The following PTPN22 variants were observed in gnomAD, a reference collection of about 807,000 sequenced individuals.
PTPN22 encodes protein tyrosine phosphatase non-receptor type 22, also known as tyrosine-protein phosphatase non-receptor type 22.
PTPN22 carries 85 observed loss-of-function variants against 103.3 expected under a neutral mutation model. The observed-to-expected ratio is 0.82, with a 90% confidence interval of 0.69 to 0.99. PTPN22 has a LOEUF of 0.99. Among genes scored for constraint, PTPN22 ranks in the 50% least tolerant of loss-of-function variants. The pLI, the probability that PTPN22 is intolerant of heterozygous loss-of-function variation, is 0.00. For missense variants in PTPN22, 865 were observed against 936.9 expected, an observed-to-expected ratio of 0.92 and a Z score of 1.00; for synonymous variants, 323 against 310.2, an observed-to-expected ratio of 1.04 and a Z score of -0.43.
chr1:113,843,371 TGAC>T (rs1663776593), intron 11 of PTPN22, among the ~76,000 whole-genome samples: 1 of 152,184 alleles, frequency 6.6e-6, no homozygotes, highest in East Asian at 1.9e-4. Context: ...AAGAAAATTG[TGAC>T]ACGTTACAAC....
chr1:113,835,341 A>C (rs1303563426), intron 13 of PTPN22, among the ~76,000 whole-genome samples: 1 of 152,084 alleles, frequency 6.6e-6, no homozygotes, highest in Non-Finnish European at 1.5e-5. Context: ...ACGTGGTGAA[A>C]CCGTGTCTCT....
Position 113,829,582 on chromosome 1 carries a change from T to G in PTPN22, c.2250+10A>C. On this transcript the variant is annotated intron_variant, in intron 18 of 20. Coordinates refer to ENST00000359785, the Ensembl canonical transcript of PTPN22. ...TCCGGCATGTTTCCCAAAACTCTTATCTTCTTTACCTTACTCCTTGTGAAA... is the reference window on the plus strand; with the variant it reads ...TCCGGCATGTTTCCCAAAACTCTTAGCTTCTTTACCTTACTCCTTGTGAAA... The G allele has an allele frequency of 6.6e-7, 1 of 1,507,756 alleles. No individual in the cohort carries two copies. Among genetic ancestry groups the G allele is most frequent in the Non-Finnish European group, 9.0e-7 (1 of 1,107,998 alleles). The allele number at this position is 1,507,756 out of a possible 1,614,324, so 93.4% of individuals were successfully genotyped here.
intron 11 of PTPN22, among the ~76,000 whole-genome samples, chr1:113,844,052 T>G (rs908000129): frequency 2.0e-5 from 3 of 151,790 alleles, no homozygotes; most frequent in African/African-American, 7.3e-5. Context: ...ACAACATAGC[T>G]CCTATTTCAT....
Position 113,838,622 on chromosome 1 carries a change from T to C in PTPN22, c.916-2A>G. ...AGGAATACAATGCTTTGCTTGACTC[T>C]TTAAAAGAAATAAGTCAGAGGCTGG... On this transcript the variant is annotated splice_acceptor_variant, in intron 11 of 20. Transcript: ENST00000359785. LOFTEE classifies it high-confidence loss of function. 1 of 1,611,782 alleles carries C rather than the reference T, an allele frequency of 6.2e-7. No homozygotes were observed. Among genetic ancestry groups the C allele is most frequent in the South Asian group, 1.1e-5 (1 of 90,198 alleles).
intron 1 of PTPN22, among the ~76,000 whole-genome samples, chr1:113,862,134 T>C (rs1245358627): frequency 6.6e-6 from 1 of 151,844 alleles, no homozygotes; most frequent in African/African-American, 2.4e-5. Context: ...CAAAAAAAAT[T>C]AGCTGGGCAT....
intron 11 of PTPN22, among the ~76,000 whole-genome samples, chr1:113,842,170 A>T (rs1295212822): frequency 6.6e-6 from 1 of 152,158 alleles, no homozygotes; most frequent in Admixed American, 6.6e-5. Flanking sequence ...TGATGGTGCC[A>T]CTGGACTCCA....
intron 11 of PTPN22, among the ~76,000 whole-genome samples, chr1:113,845,533 T>G (rs1187550468): frequency 6.6e-6 from 1 of 152,216 alleles, no homozygotes; most frequent in Non-Finnish European, 1.5e-5. Flanking sequence ...TTTTCAAATT[T>G]TTCAGATTTT....
chr1:113,861,728 A>C (rs1665623050), intron 1 of PTPN22, among the ~76,000 whole-genome samples: 1 of 152,106 alleles, frequency 6.6e-6, no homozygotes, highest in Admixed American at 6.6e-5. Flanking sequence ...CCCGGGCTCC[A>C]ATATCCCAAG....
chr1:113,862,437 T>C (rs944716204), intron 1 of PTPN22, among the ~76,000 whole-genome samples: 1 of 152,200 alleles, frequency 6.6e-6, no homozygotes, highest in African/African-American at 2.4e-5. Flanking sequence ...TAGATGATAC[T>C]ACCCCTTTCG....
intron 20 of PTPN22, 138 bp from the exon 21 acceptor site, chr1:113,815,107 G>C (rs1661050470): frequency 1.6e-6 from 1 of 623,720 alleles, no homozygotes; most frequent in African/African-American, 1.9e-5. Flanking sequence ...GACCAGTTTA[G>C]TAATAGATTA....
chr1:113,853,859 C>CTTTTTTTTTTTTTTTTTTTTT (rs894010114), intron 9 of PTPN22, among the ~76,000 whole-genome samples: 3 of 67,152 alleles, frequency 4.5e-5, no homozygotes, highest in East Asian at 4.5e-4. Context: ...TTTTTTTTTG[C>CTTTTTTTTTTTTTTTTTTTTT]TTTTTTTTTT....
intron 7 of PTPN22, among the ~76,000 whole-genome samples, chr1:113,855,693 A>T (rs1407098230): frequency 6.6e-6 from 1 of 152,158 alleles, no homozygotes; most frequent in African/African-American, 2.4e-5. Flanking sequence ...ATGCTTTCTG[A>T]AAACCATTAA....
intron 18 of PTPN22, chr1:113,829,136 G>A (rs890634657): frequency 1.3e-5 from 2 of 151,932 alleles, no homozygotes; most frequent in African/African-American, 4.8e-5. Flanking sequence ...TTTGAATTCA[G>A]TTTATCTAGT....
intron 3 of PTPN22, among the ~76,000 whole-genome samples, 156 bp downstream of exon 3, chr1:113,858,846 C>A (rs1479790809): frequency 6.6e-6 from 1 of 152,082 alleles, no homozygotes; most frequent in Non-Finnish European, 1.5e-5. Context: ...CATATGTTGC[C>A]CAGGCTGGTC....
chr1:113,857,976 T>C, intron 4 of PTPN22, 200 bp from the exon 5 acceptor site: 1 of 402,574 alleles, frequency 2.5e-6, no homozygotes, highest in Non-Finnish European at 4.5e-6. Context: ...CCCCTTTCTC[T>C]GTTCAGACCA....
chr1:113,831,160 C>T (rs1394353509), intron 16 of PTPN22, among the ~76,000 whole-genome samples: 1 of 152,112 alleles, frequency 6.6e-6, no homozygotes, highest in Non-Finnish European at 1.5e-5. Context: ...TCTTAATACT[C>T]CCCTAACAAA....
At chr1:113,854,593 A>T (rs1664886741) in intron 8 of PTPN22, 56 bp from the exon 9 acceptor site, 1 of 1,512,520 alleles carries the variant, frequency 6.6e-7, no homozygotes, top group East Asian at 2.3e-5. Context: ...AGAATGGACC[A>T]TTGACAGTAG....
chr1:113,858,689 G>T, intron 3 of PTPN22, 116 bp from the exon 4 acceptor site: 1 of 737,980 alleles, frequency 1.4e-6, no homozygotes, highest in Non-Finnish European at 2.2e-6. Flanking sequence ...ACCCAGGCTG[G>T]AGTGCAGTGG....
intron 18 of PTPN22, among the ~76,000 whole-genome samples, chr1:113,826,754 C>G (rs969224219): frequency 2.8e-5 from 4 of 143,996 alleles, no homozygotes; most frequent in African/African-American, 1.0e-4. Flanking sequence ...ACTGCAAGCT[C>G]CGCCTCCCGG....
Sources: gnomAD v4.1 joint callset for allele counts (sites outside exome capture counted in the v4.1 genomes callset) on GRCh38, gnomAD v4.1.1 for gene constraint, MANE v1.5 for transcripts, NCBI Gene and HGNC (gene_info 2026-07-23, HGNC 2026-07-21) for gene names.